Variants in PI4KA observed in about 807,000 individuals in gnomAD.
The protein encoded by PI4KA is phosphatidylinositol 4-kinase alpha.
Under a neutral mutation model 271.4 loss-of-function variants are expected in PI4KA, and 122 were observed. The ratio of observed to expected loss-of-function variants is 0.45; its 90% CI spans 0.39 to 0.52. PI4KA has a LOEUF of 0.52. Ranked by LOEUF, PI4KA falls within the 20% of genes least tolerant of loss-of-function variation. The probability of loss-of-function intolerance (pLI) is 0.00; values close to 1 mark genes in which losing one functional copy is unlikely to be tolerated. For missense variants in PI4KA, 1,969 were observed against 2,769.1 expected, an observed-to-expected ratio of 0.71 and a Z score of 6.48; for synonymous variants, 1,041 against 1,078.8, an observed-to-expected ratio of 0.96 and a Z score of 0.69.
rs1226933980 is a variant in PI4KA, at chr22:20,733,799, G to A, written c.4097C>T (p.Pro1366Leu). 6.2e-7 allele frequency: 1 copy of A among 1,612,752 alleles called. No individual in the cohort carries two copies. Among genetic ancestry groups the A allele is most frequent in the Non-Finnish European group, 8.5e-7 (1 of 1,179,844 alleles). The change falls in exon 35 of 55, where the codon CCA becomes CTA. Residue 1366 changes from proline (P) to leucine (L), a missense_variant. Around this residue, in one of 13 missense-constraint regions of PI4KA, gnomAD observed 72 missense variants for 103.1 expected, o/e 0.70. Transcript: ENST00000255882. ...AAGCACATTGCGGATGGTTGCATTT[G>A]GAACCACATCGGCATGCAGGAGGGA... is the stretch of plus-strand genomic sequence containing the variant. ...GLSLLHADVV[P>L]NATIRNVLRE... is the part of the protein sequence containing the mutation.
chr22:20,713,756 C>T (rs1463961527), intron 47 of PI4KA, among the ~76,000 whole-genome samples: 1 of 152,220 alleles, frequency 6.6e-6, no homozygotes, highest in African/African-American at 2.4e-5. Flanking sequence ...AGCGTGCAGA[C>T]ATGGCCATGG....
chr22:20,708,160 C>G, intron 54 of PI4KA, 62 bp from the exon 55 acceptor site: 1 of 1,317,696 alleles, frequency 7.6e-7, no homozygotes, highest in Admixed American at 1.7e-5. Flanking sequence ...GGGTCCCTCC[C>G]CACAGGGAGC....
chr22:20,817,709 G>A (rs905102508), intron 7 of PI4KA, among the ~76,000 whole-genome samples: 16 of 101,072 alleles, frequency 1.6e-4, no homozygotes. Flanking sequence ...ACTCCAGCCT[G>A]GGTGGCAGAG....
intron 13 of PI4KA, among the ~76,000 whole-genome samples, chr22:20,802,882 G>A (rs1348505083): frequency 4.6e-5 from 7 of 152,090 alleles, no homozygotes; most frequent in Non-Finnish European, 1.0e-4. Flanking sequence ...ATCCATTCTC[G>A]CAGGGGTAGC....
In PI4KA at chr22:20,727,300, A is replaced by G; in HGVS notation, c.4871T>C (p.Phe1624Ser). 1 of 1,612,628 alleles carries G rather than the reference A, an allele frequency of 6.2e-7. No homozygotes were observed. The highest frequency in any genetic ancestry group is 8.5e-7 in the Non-Finnish European group (1 of 1,179,796). ...AGGGTGCGGCGGGTACATGCTGGAG[A>G]AGTAGGAGAGGCCTGTGGGTGGGTC... ...PTDPPTGLSY[F>S]SSMYPPHPLT... is the part of the protein sequence containing the mutation. Residue 1624 changes from phenylalanine (F) to serine (S), a missense_variant, in exon 41 of 55, where the codon TTC (phenylalanine) becomes TCC (serine). This residue lies in a region of PI4KA where 388 missense variants were observed against 521.5 expected (regional missense o/e 0.74). Coordinates refer to ENST00000255882, the MANE Select transcript of PI4KA (RefSeq NM_058004.4).
chr22:20,735,424 C>T (rs1161903030), intron 32 of PI4KA, among the ~76,000 whole-genome samples: 7 of 147,932 alleles, frequency 4.7e-5, no homozygotes, highest in Non-Finnish European at 1.0e-4. Context: ...GTACCATCCC[C>T]TCCCTTCTTC....
Position 20,804,385 on chromosome 22 carries a change from C to T in PI4KA, c.1376G>A (p.Cys459Tyr). 6.2e-7 allele frequency: 1 copy of T among 1,613,578 alleles called. No individual in the cohort carries two copies. Among genetic ancestry groups the T allele is most frequent in the Non-Finnish European group, 8.5e-7 (1 of 1,179,488 alleles). The part of the protein sequence containing the change: ...VKDEQGAENL[C>Y]IKLSEKLQSK... ...CTGCAGCTTCTCAGATAGCTTGATG[C>T]AAAGGTTTTCTGCACCTTAATTCAA... Residue 459 changes from cysteine (C) to tyrosine (Y), a missense_variant, in exon 12 of 55, where the codon TGC becomes TAC. By Grantham distance (194) the Cys-to-Tyr change is radical (BLOSUM62 -2). This residue lies in a region of PI4KA where 14 missense variants were observed against 34.0 expected (regional missense o/e 0.41). Transcript: ENST00000255882.
chr22:20,718,426 C>T (rs1173650992), intron 44 of PI4KA, among the ~76,000 whole-genome samples: 1 of 152,346 alleles, frequency 6.6e-6, no homozygotes, highest in East Asian at 1.9e-4. Context: ...ATTCCACAAA[C>T]CTCAGGAATG....
At chr22:20,820,721 A>T in intron 4 of PI4KA, 110 bp from the exon 5 acceptor site, 2 of 740,786 alleles carry the variant, frequency 2.7e-6, no homozygotes, top group Non-Finnish European at 4.6e-6. Context: ...AACCAACCCC[A>T]TATATGATAC....
chr22:20,713,848 A>C (rs1925648253), intron 47 of PI4KA, among the ~76,000 whole-genome samples: 2 of 152,222 alleles, frequency 1.3e-5, no homozygotes, highest in Admixed American at 1.3e-4. Flanking sequence ...GTGTCTCCCT[A>C]AAATTCATGT....
chr22:20,745,263 C>T (rs1929927855), intron 29 of PI4KA, among the ~76,000 whole-genome samples: 1 of 152,208 alleles, frequency 6.6e-6, no homozygotes, highest in Non-Finnish European at 1.5e-5. Flanking sequence ...CCTCCAGCCA[C>T]TCTCTCTGCT....
At chr22:20,796,107 G>A (rs2147571711) in intron 18 of PI4KA, 39 bp downstream of exon 18, 1 of 1,582,462 alleles carries the variant, frequency 6.3e-7, no homozygotes, top group Non-Finnish European at 8.7e-7. Context: ...AGCAGGGATA[G>A]GACACTGATG....
chr22:20,854,691 C>T (rs899316233), intron 1 of PI4KA, among the ~76,000 whole-genome samples: 7 of 152,122 alleles, frequency 4.6e-5, no homozygotes, highest in African/African-American at 1.7e-4. Flanking sequence ...AAGCCCCACG[C>T]AGTCCTCCAA....
chr22:20,790,638 G>A (rs1028695815), intron 19 of PI4KA, among the ~76,000 whole-genome samples: 2 of 151,430 alleles, frequency 1.3e-5, no homozygotes, highest in Non-Finnish European at 2.9e-5. Flanking sequence ...TCCAGTCTGG[G>A]TGACAGAGTG....
chr22:20,735,398 C>T (rs1246390059), intron 32 of PI4KA, among the ~76,000 whole-genome samples: 9 of 145,452 alleles, frequency 6.2e-5, no homozygotes, highest in South Asian at 2.2e-4. Context: ...GAACACACAC[C>T]GCGGCTCCCT....
rs1342761932 is a variant in PI4KA, at chr22:20,834,604, T to C, written c.325A>G (p.Lys109Glu). 4.3e-6 allele frequency: 7 copies of C among 1,611,796 alleles called. No homozygotes were observed. The highest frequency in any genetic ancestry group is 2.2e-5 in the East Asian group (1 of 44,866). Residue 109 changes from lysine (K) to glutamate (E), a missense_variant, in exon 3 of 55, where the codon AAA becomes GAA. Transcript: ENST00000255882. The stretch of plus-strand genomic sequence containing the variant: ...GTGCTTTCTTCTACCCAATACACTT[T>C]TGGAAGACCTTTGAGAAGTCGAAGA... ...YLLRLLKGLP[K>E]VYWVEESTAR... is the part of the protein sequence containing the mutation.
intron 19 of PI4KA, among the ~76,000 whole-genome samples, chr22:20,769,924 G>C (rs544332049): frequency 6.6e-6 from 1 of 152,188 alleles, no homozygotes; most frequent in African/African-American, 2.4e-5. Flanking sequence ...AGAAACACTG[G>C]TGCTAGTGCC....
At chr22:20,745,229 A>C (rs1215383254) in intron 29 of PI4KA, among the ~76,000 whole-genome samples, 2 of 152,104 alleles carry the variant, frequency 1.3e-5, no homozygotes, top group Non-Finnish European at 2.9e-5. Context: ...AAATATTTGA[A>C]AACTACCGCC....
chr22:20,726,091 C>G (rs776934376), intron 42 of PI4KA, among the ~76,000 whole-genome samples: 1 of 152,222 alleles, frequency 6.6e-6, no homozygotes, highest in Non-Finnish European at 1.5e-5. Context: ...GCTGCCCAGT[C>G]TGTGGTGCTT....
Sources: gnomAD v4.1 joint callset for allele counts (sites outside exome capture counted in the v4.1 genomes callset) on GRCh38, gnomAD v4.1.1 for gene constraint, gnomAD v4.1.1 regional missense constraint, MANE v1.5 for transcripts, NCBI Gene and HGNC (gene_info 2026-07-23, HGNC 2026-07-21) for gene names.